Variants in TXK observed in about 807,000 individuals in gnomAD.
TXK encodes the protein TXK tyrosine kinase, also known as tyrosine-protein kinase TXK.
TXK carries 60 observed loss-of-function variants against 81.0 expected under a neutral mutation model. That is an observed-to-expected ratio of 0.74 (90% confidence interval 0.60 to 0.92). TXK has a LOEUF of 0.92. TXK is among the 40% of genes least tolerant of loss of function. TXK has a pLI of 0.00. For missense variants in TXK, 581 were observed against 638.3 expected (o/e 0.91, Z 0.97); for synonymous variants, 203 against 210.7 (o/e 0.96, Z 0.32).
intron 11 of TXK, among the ~76,000 whole-genome samples, chr4:48,079,528 T>C (rs2352589): frequency 0.88 from 134,003 of 152,108 alleles, 61,519 homozygotes; most frequent in East Asian, 1. Context: ...GCTCTCCTGG[T>C]TTACTGGCTT....
rs147561104 is a variant in TXK at position 48,082,011 on chromosome 4, A to G, written c.957-1883T>C. ...ATCCTGAAACAATTCTCCTCTTTCCATCTCTTGCCCTCTGACATATATTAG... is the reference window on the plus strand; with the variant it reads ...ATCCTGAAACAATTCTCCTCTTTCCGTCTCTTGCCCTCTGACATATATTAG... On this transcript the variant is annotated intron_variant, in intron 10 of 14. Coordinates refer to ENST00000264316, the MANE Select transcript of TXK (RefSeq NM_003328.3). Among the ~76,000 whole-genome samples, 257 of 152,236 alleles carry G rather than the reference A, an allele frequency of 1.7e-3. 1 individual carries two copies. The highest frequency in any genetic ancestry group is 5.8e-3 in the African/African-American group (241 of 41,542).
intron 6 of TXK, among the ~76,000 whole-genome samples, chr4:48,100,491 T>A (rs1323464661): frequency 1.3e-5 from 2 of 152,174 alleles, no homozygotes; most frequent in Non-Finnish European, 2.9e-5. Context: ...GCAAATTAAA[T>A]CCACACTGAG....
At chr4:48,089,658 C>T in intron 9 of TXK, 92 bp downstream of exon 9, 1 of 1,076,750 alleles carries the variant, frequency 9.3e-7, no homozygotes, top group Non-Finnish European at 1.4e-6. Flanking sequence ...TCCCAAAGTG[C>T]TAGGATTACA....
At chr4:48,085,137 G>A (rs915255544) in intron 10 of TXK, among the ~76,000 whole-genome samples, 18 of 152,088 alleles carry the variant, frequency 1.2e-4, no homozygotes, top group Admixed American at 9.2e-4. Flanking sequence ...GCCTGTCCTG[G>A]TCCTGCTCAG....
At chr4:48,130,870 T>G (rs1030249106) in intron 1 of TXK, among the ~76,000 whole-genome samples, 2 of 152,144 alleles carry the variant, frequency 1.3e-5, no homozygotes, top group African/African-American at 4.8e-5. Context: ...GATCCAGTTA[T>G]GGAGATGAGC....
At chr4:48,070,438 A>C (rs1257808468) in intron 14 of TXK, among the ~76,000 whole-genome samples, 1 of 152,212 alleles carries the variant, frequency 6.6e-6, no homozygotes, top group African/African-American at 2.4e-5. Context: ...ACCCATTACT[A>C]TTAGCGTTGG....
At chr4:48,074,874 A>G (rs1717003973) in intron 12 of TXK, among the ~76,000 whole-genome samples, 4 of 152,188 alleles carry the variant, frequency 2.6e-5, no homozygotes, top group Non-Finnish European at 5.9e-5. Context: ...TGACTAACAG[A>G]AAACAAAGAG....
chr4:48,086,748 A>T, intron 9 of TXK, 111 bp from the exon 10 acceptor site: 5 of 1,004,738 alleles, frequency 5.0e-6, no homozygotes, highest in Non-Finnish European at 4.4e-6. Flanking sequence ...TAAAAAATGT[A>T]TAAAGTGGAG....
At position 48,114,378 on chromosome 4, in the gene TXK, C is replaced by G. The variant is rs1267106976; in HGVS notation, c.41G>C (p.Cys14Ser). 2 of 1,614,112 alleles carry G rather than the reference C, an allele frequency of 1.2e-6. No individual in the cohort carries two copies. Among genetic ancestry groups the G allele is most frequent in the Middle Eastern group, 3.3e-4 (2 of 6,062 alleles). ...SSYNTIQSVF[C>S]CCCCCSVQKR... The stretch of plus-strand genomic sequence containing the variant: ...CTGCACTGAACAGCAACAGCAGCAA[C>G]AGAAAACCGACTGGATGGTGTTATC... The change falls in exon 2 of 15, where the codon TGT becomes TCT. Residue 14 changes from cysteine to serine, a missense_variant. Coordinates refer to ENST00000264316, the MANE Select transcript of TXK (RefSeq NM_003328.3).
chr4:48,092,901 T>C (rs1489639332), intron 8 of TXK, among the ~76,000 whole-genome samples: 1 of 152,184 alleles, frequency 6.6e-6, no homozygotes, highest in Non-Finnish European at 1.5e-5. Flanking sequence ...AAGGCAGTGG[T>C]TAATTTTGGT....
chr4:48,127,014 A>T (rs1719106065), intron 1 of TXK, among the ~76,000 whole-genome samples: 1 of 152,246 alleles, frequency 6.6e-6, no homozygotes, highest in South Asian at 2.1e-4. Context: ...AATAGCAAAG[A>T]CAATGGCCTT....
chr4:48,113,136 CA>C, intron 3 of TXK, 70 bp downstream of exon 3: 3 of 1,062,634 alleles, frequency 2.8e-6, no homozygotes, highest in Non-Finnish European at 2.9e-6. Context: ...CAACAAACAG[CA>C]CCTCATGAAT....
At chr4:48,105,507 GGACA>G (rs1386042686) in intron 5 of TXK, among the ~76,000 whole-genome samples, 2 of 152,120 alleles carry the variant, frequency 1.3e-5, no homozygotes, top group Non-Finnish European at 2.9e-5. Flanking sequence ...TGGAAATAAT[GGACA>G]CTGGGAACTC....
chr4:48,071,630 C>T lies in TXK; in HGVS notation c.1402G>A (p.Glu468Lys). The T allele has an allele frequency of 1.2e-6, 2 of 1,614,148 alleles. No individual in the cohort carries two copies. Among genetic ancestry groups the T allele is most frequent in the Non-Finnish European group, 1.7e-6 (2 of 1,180,028 alleles). ...EVFTEGKMPF[E>K]NKSNLQVVEA... is the part of the protein sequence containing the mutation. ...ACGACTTGCAAATTTGACTTATTTT[C>T]AAAAGGCATTTTTCCTTCTGTAAAA... Residue 468 changes from glutamate to lysine, a missense_variant, in exon 14 of 15, where the codon GAA becomes AAA. By Grantham distance (56) the Glu-to-Lys change is moderately conservative. Transcript: ENST00000264316.
At position 48,086,568 on chromosome 4, in the gene TXK, A is replaced by T; in HGVS notation, c.854T>A (p.Val285Asp). The change falls in exon 10 of 15, where the codon GTC becomes GAC. Residue 285 changes from valine (V) to aspartate (D), a missense_variant. Transcript: ENST00000264316. The part of the protein sequence containing the change: ...KEIGSGQFGV[V>D]HLGEWRSHIQ... ...ATGTGACCGCCATTCACCTAAATGG[A>T]CCACTCCAAACTGACCGCTTCCAAT... 1 of 1,614,078 alleles carries T rather than the reference A, an allele frequency of 6.2e-7. No individual in the cohort carries two copies. Among genetic ancestry groups the T allele is most frequent in the Non-Finnish European group, 8.5e-7 (1 of 1,179,960 alleles).
At chr4:48,122,142 G>T (rs776821734) in intron 1 of TXK, among the ~76,000 whole-genome samples, 15 of 152,056 alleles carry the variant, frequency 9.9e-5, no homozygotes, top group Non-Finnish European at 2.2e-4. Context: ...TCTTAAGTCT[G>T]ATCATGTTAC....
At chr4:48,123,783 A>G (rs1719015881) in intron 1 of TXK, among the ~76,000 whole-genome samples, 1 of 151,896 alleles carries the variant, frequency 6.6e-6, no homozygotes. Flanking sequence ...ATTTCCCTAA[A>G]AGCCTGCTTC....
At chr4:48,126,429 T>G (rs1388126125) in intron 1 of TXK, among the ~76,000 whole-genome samples, 1 of 152,244 alleles carries the variant, frequency 6.6e-6, no homozygotes, top group South Asian at 2.1e-4. Flanking sequence ...TGGTCAATGT[T>G]AGGCTATGAG....
chr4:48,102,704 C>T (rs1195877873), intron 6 of TXK, among the ~76,000 whole-genome samples: 1 of 152,086 alleles, frequency 6.6e-6, no homozygotes, highest in Non-Finnish European at 1.5e-5. Flanking sequence ...AAATCAGAAA[C>T]ATTTTGAATG....
Sources: allele counts gnomAD v4.1 joint callset (sites outside exome capture counted in the v4.1 genomes callset), GRCh38; gene constraint gnomAD v4.1.1; transcripts MANE v1.5; gene names NCBI Gene and HGNC (gene_info 2026-07-23, HGNC 2026-07-21).